Variants in CCDC6 observed in about 807,000 individuals in gnomAD.
The protein encoded by CCDC6 is coiled-coil domain-containing protein 6.
In CCDC6, 20 loss-of-function variants were observed where a neutral mutation model predicts 56.6. That is an observed-to-expected ratio of 0.35 (90% CI 0.25 to 0.51). The LOEUF (loss-of-function observed/expected upper bound fraction) is 0.51, where lower values mean the gene tolerates loss of function less well. CCDC6 is among the 20% of genes least tolerant of loss of function. The pLI, the probability that CCDC6 is intolerant of heterozygous loss-of-function variation, is 0.95. For synonymous variants in CCDC6, 241 were observed against 234.4 expected (o/e 1.03, Z -0.26); for missense variants, 367 against 601.1 (o/e 0.61, Z 4.07).
chr10:59,793,199 T>A, intron 8 of CCDC6, 88 bp from the exon 9 acceptor site: 2 of 998,138 alleles, frequency 2.0e-6, no homozygotes, highest in Middle Eastern at 5.1e-4. Flanking sequence ...CTGGGGCTAA[T>A]CAAACACTAA....
intron 1 of CCDC6, among the ~76,000 whole-genome samples, chr10:59,902,801 C>G (rs2071514282): frequency 6.6e-6 from 1 of 152,192 alleles, no homozygotes; most frequent in Non-Finnish European, 1.5e-5. Context: ...CATACTCTTA[C>G]CATATAATTC....
At chr10:59,798,784 G>C (rs964067520) in intron 7 of CCDC6, among the ~76,000 whole-genome samples, 6 of 152,042 alleles carry the variant, frequency 3.9e-5, no homozygotes, top group African/African-American at 7.2e-5. Context: ...CACGAGGTCA[G>C]GAGTTCGAGA....
intron 2 of CCDC6, among the ~76,000 whole-genome samples, chr10:59,835,089 T>A (rs978866868): frequency 7.2e-5 from 11 of 152,236 alleles, no homozygotes; most frequent in Non-Finnish European, 1.6e-4. Context: ...AGCTTAAGTC[T>A]TAAAACCTTT....
At chr10:59,865,831 C>G (rs2071171966) in intron 1 of CCDC6, among the ~76,000 whole-genome samples, 1 of 114,102 alleles carries the variant, frequency 8.8e-6, no homozygotes, top group East Asian at 2.6e-4. Flanking sequence ...AGCCTGGTGA[C>G]AGAGAGAGAC....
At chr10:59,821,110 ATCAG>A (rs898293086) in intron 3 of CCDC6, among the ~76,000 whole-genome samples, 36 of 152,330 alleles carry the variant, frequency 2.4e-4, no homozygotes, top group African/African-American at 8.4e-4. Context: ...CAAAAAATAA[ATCAG>A]TCAGAAAAAT....
intron 1 of CCDC6, among the ~76,000 whole-genome samples, chr10:59,880,224 G>A (rs934005403): frequency 1.3e-5 from 2 of 151,912 alleles, no homozygotes; most frequent in Non-Finnish European, 2.9e-5. Flanking sequence ...CGATGACACC[G>A]AGAGGACCAC....
At chr10:59,830,585 A>G (rs985184529) in intron 3 of CCDC6, among the ~76,000 whole-genome samples, 7 of 152,220 alleles carry the variant, frequency 4.6e-5, no homozygotes, top group Non-Finnish European at 1.0e-4. Context: ...GCTTTGCATT[A>G]AACATATTTT....
intron 2 of CCDC6, among the ~76,000 whole-genome samples, chr10:59,835,350 T>C (rs2070872848): frequency 6.6e-6 from 1 of 152,238 alleles, no homozygotes; most frequent in African/African-American, 2.4e-5. Flanking sequence ...AAAATATCCA[T>C]ATTTAGACAG....
chr10:59,847,565 C>T (rs1322502918), intron 2 of CCDC6, among the ~76,000 whole-genome samples: 1 of 152,058 alleles, frequency 6.6e-6, no homozygotes, highest in Non-Finnish European at 1.5e-5. Context: ...CAAAGAGATG[C>T]TACTAGCATA....
Position 59,792,775 on chromosome 10 carries a change from T to C in CCDC6, c.*142A>G. On this transcript the variant is annotated 3_prime_UTR_variant, in exon 9 of 9. Transcript: ENST00000263102. ...ACTGGCTGCATTTCTGACAAACATT[T>C]ACAACACAATGGATAGTGAAGCCTA... 1.1e-6 allele frequency: 1 copy of C among 911,680 alleles called. No homozygotes were observed. Among genetic ancestry groups the C allele is most frequent in the Non-Finnish European group, 1.8e-6 (1 of 548,278 alleles). 56.5% of individuals were successfully genotyped at this position (911,680 alleles called of 1,614,324 possible).
chr10:59,814,660 A>G lies in CCDC6; in HGVS notation c.678T>C (p.Ala226=), dbSNP rs1190398800. The G allele has an allele frequency of 6.2e-7, 1 of 1,608,818 alleles. No individual in the cohort carries two copies. The highest frequency in any genetic ancestry group is 2.2e-5 in the East Asian group (1 of 44,854). ...AGCAAGACTAAACAAACCGCTTTTCAGCTTCAAGCTTATCCATCCTTTTCC... is the reference window on the plus strand; with the variant it reads ...AGCAAGACTAAACAAACCGCTTTTCGGCTTCAAGCTTATCCATCCTTTTCC... ...RLWKRMDKLE[A]EKRILQEKLD... is the part of the protein sequence containing the mutation. Residue 226 remains alanine, a synonymous_variant, in exon 4 of 9, where the codon GCT becomes GCC. Transcript: ENST00000263102.
intron 1 of CCDC6, among the ~76,000 whole-genome samples, chr10:59,875,833 A>G (rs558693915): frequency 6.6e-6 from 1 of 152,280 alleles, no homozygotes; most frequent in African/African-American, 2.4e-5. Flanking sequence ...TAGGTAAACT[A>G]ACGAAGACAA....
intron 3 of CCDC6, among the ~76,000 whole-genome samples, chr10:59,826,959 G>A (rs1030352292): frequency 3.3e-5 from 5 of 152,110 alleles, no homozygotes; most frequent in East Asian, 1.9e-4. Context: ...ACCTTGTCTC[G>A]GCCCTCCTTC....
chr10:59,871,468 TAA>T (rs138741485), intron 1 of CCDC6, among the ~76,000 whole-genome samples: 1,739 of 98,390 alleles, frequency 0.018, 17 homozygotes, highest in Middle Eastern at 0.044. Context: ...TAATACTCAT[TAA>T]AAAAAAAAAA....
At chr10:59,849,369 A>T (rs1005840364) in intron 2 of CCDC6, among the ~76,000 whole-genome samples, 3 of 152,186 alleles carry the variant, frequency 2.0e-5, no homozygotes, top group Admixed American at 2.0e-4. Context: ...ACACATATGG[A>T]GGTGTTTAAG....
Position 59,906,536 on chromosome 10 carries a change from G to T in CCDC6, c.-112C>A, listed in dbSNP as rs959759506. The T allele has an allele frequency of 2.1e-6, 2 of 948,328 alleles. No homozygotes were observed. The highest frequency in any genetic ancestry group is 3.8e-5 in the Admixed American group (1 of 26,002). The allele number at this position is 948,328 out of a possible 1,614,324, so 58.7% of individuals were successfully genotyped here. A position where few individuals can be genotyped will look rare whatever the true frequency, so the allele number is the denominator to read the frequency against. ...AGCACAGGGGAGCGCCGAGCTGAGC[G>T]CCTGGCACCAGGGCGCAGACTCGGA... On this transcript the variant is annotated 5_prime_UTR_variant, in exon 1 of 9. Coordinates refer to ENST00000263102, the MANE Select transcript of CCDC6 (RefSeq NM_005436.5).
chr10:59,899,445 G>T (rs2071488145), intron 1 of CCDC6, among the ~76,000 whole-genome samples: 1 of 152,210 alleles, frequency 6.6e-6, no homozygotes, highest in Non-Finnish European at 1.5e-5. Context: ...GGCAAGGCAT[G>T]ATTTAAGGAA....
chr10:59,883,729 A>G (rs1002718438), intron 1 of CCDC6, among the ~76,000 whole-genome samples: 4 of 152,324 alleles, frequency 2.6e-5, no homozygotes, highest in African/African-American at 7.2e-5. Flanking sequence ...GAGGAAACAC[A>G]CTTTCCTCTA....
In CCDC6 at chr10:59,790,048, A is replaced by G. The variant is rs953317246; in HGVS notation, c.*2869T>C. On this transcript the variant is annotated 3_prime_UTR_variant, in exon 9 of 9. Coordinates refer to ENST00000263102, the MANE Select transcript of CCDC6 (RefSeq NM_005436.5). ...GTCAACGAAGGAGTAAGTTCAATTA[A>G]AGGCTTCCACTATCTGCCAAATTTC... 2 of 216,116 alleles carry G rather than the reference A, an allele frequency of 9.3e-6. No homozygotes were observed. Among genetic ancestry groups the G allele is most frequent in the South Asian group, 1.9e-4 (1 of 5,386 alleles). 13.4% of individuals were successfully genotyped at this position (216,116 alleles called of 1,614,324 possible).
Sources: gnomAD v4.1 joint callset for allele counts (sites outside exome capture counted in the v4.1 genomes callset) on GRCh38, gnomAD v4.1.1 for gene constraint, MANE v1.5 for transcripts, NCBI Gene and HGNC (gene_info 2026-07-23, HGNC 2026-07-21) for gene names.